Variants in ESYT3 observed in about 807,000 individuals in gnomAD.
ESYT3 encodes extended synaptotagmin-3.
ESYT3 carries 101 observed loss-of-function variants against 111.5 expected under a neutral mutation model. The ratio of observed to expected loss-of-function variants is 0.91; its 90% CI spans 0.77 to 1.07. ESYT3 has a LOEUF of 1.07. Among genes scored for constraint, ESYT3 ranks in the 50% least tolerant of loss-of-function variants. ESYT3 has a pLI of 0.00. For missense variants in ESYT3, 1,097 were observed against 1,109.4 expected (o/e 0.99, Z 0.16); for synonymous variants, 416 against 446.8 (o/e 0.93, Z 0.87).
At chr3:138,470,367 C>A (rs1019368192) in intron 16 of ESYT3, 150 of 1,252,224 alleles carry the variant, frequency 1.2e-4, no homozygotes, top group Admixed American at 5.2e-4. Context: ...CCTCAAGTCC[C>A]TTGACTTTCC....
chr3:138,474,079 A>G (rs984401804), intron 19 of ESYT3, 142 bp from the exon 20 acceptor site: 3 of 1,083,642 alleles, frequency 2.8e-6, no homozygotes, highest in Non-Finnish European at 4.0e-6. Flanking sequence ...CCTTAAGCGT[A>G]TCTAATGCTG....
intron 3 of ESYT3, among the ~76,000 whole-genome samples, chr3:138,455,942 T>C (rs1286709764): frequency 6.6e-6 from 1 of 152,216 alleles, no homozygotes; most frequent in Admixed American, 6.5e-5. Context: ...CCCTAGTGAC[T>C]TGAATCTTTT....
intron 10 of ESYT3, 37 bp downstream of exon 10, chr3:138,465,458 C>A: frequency 6.6e-7 from 1 of 1,517,972 alleles, no homozygotes; most frequent in Non-Finnish European, 9.0e-7. Flanking sequence ...CTGGAGGCAG[C>A]CTTCCCTCCC....
At chr3:138,454,088 G>A (rs988314624) in intron 2 of ESYT3, among the ~76,000 whole-genome samples, 7 of 152,138 alleles carry the variant, frequency 4.6e-5, no homozygotes, top group Admixed American at 6.5e-5. Context: ...GGACCCTATC[G>A]CTACAAAAAC....
chr3:138,468,164 A>AT lies in ESYT3; in HGVS notation c.1280dup (p.Leu427PhefsTer4). ...TGCACCTGCGGCTGGAGTGGCTTTC[A>AT]TTGCTTACTGACCAAGAAGTTCTGA... On this transcript the variant is annotated frameshift_variant, in exon 12 of 23. Coordinates refer to ENST00000389567, the MANE Select transcript of ESYT3 (RefSeq NM_031913.5). LOFTEE classifies it high-confidence loss of function. 6.2e-7 allele frequency: 1 copy of AT among 1,614,156 alleles called. No individual in the cohort carries two copies. The highest frequency in any genetic ancestry group is 8.5e-7 in the Non-Finnish European group (1 of 1,180,016).
intron 16 of ESYT3, 96 bp downstream of exon 16, chr3:138,470,242 C>A (rs757665349): frequency 1.6e-5 from 24 of 1,471,270 alleles, no homozygotes; most frequent in Non-Finnish European, 1.8e-5. Flanking sequence ...GTTCTCCTGG[C>A]AGCGTTTAAA....
At chr3:138,471,668 T>C (rs894590888) in intron 17 of ESYT3, among the ~76,000 whole-genome samples, 2 of 152,242 alleles carry the variant, frequency 1.3e-5, no homozygotes, top group Non-Finnish European at 2.9e-5. Context: ...TGCAAACATA[T>C]GTTCAGTGTT....
intron 4 of ESYT3, 85 bp downstream of exon 4, chr3:138,457,729 A>AC: frequency 1.5e-6 from 2 of 1,303,298 alleles, no homozygotes; most frequent in Non-Finnish European, 2.2e-6. Flanking sequence ...TAGTATATAT[A>AC]TACTCTGACT....
chr3:138,443,279 G>C (rs530818876), intron 1 of ESYT3, among the ~76,000 whole-genome samples: 4 of 152,334 alleles, frequency 2.6e-5, no homozygotes, highest in Admixed American at 2.6e-4. Flanking sequence ...TTCCCTCAAA[G>C]TACTTGAGCT....
At chr3:138,468,225 A>G in intron 12 of ESYT3, 31 bp downstream of exon 12, 7 of 1,602,534 alleles carry the variant, frequency 4.4e-6, no homozygotes, top group Non-Finnish European at 6.0e-6. Context: ...GCTCCCTTGC[A>G]GAAAGGTGGA....
chr3:138,443,757 A>T (rs182285438), intron 1 of ESYT3, among the ~76,000 whole-genome samples: 2 of 58,238 alleles, frequency 3.4e-5, no homozygotes, highest in Admixed American at 1.7e-4. Context: ...TGTGTGTGTG[A>T]CATGGCTGCT....
At chr3:138,474,189 T>C in intron 19 of ESYT3, 32 bp from the exon 20 acceptor site, 1 of 1,593,236 alleles carries the variant, frequency 6.3e-7, no homozygotes, top group Non-Finnish European at 8.5e-7. Context: ...GGCCCTTTTT[T>C]TTTTTTCCTA....
At chr3:138,464,262 T>G in intron 8 of ESYT3, 83 bp from the exon 9 acceptor site, 2 of 1,492,172 alleles carry the variant, frequency 1.3e-6, no homozygotes, top group Non-Finnish European at 1.8e-6. Context: ...GCAGCAGTGA[T>G]CTCTGATGGT....
At chr3:138,472,927 G>C in intron 18 of ESYT3, 68 bp downstream of exon 18, 1 of 1,541,440 alleles carries the variant, frequency 6.5e-7, no homozygotes, top group South Asian at 1.3e-5. Context: ...GGATGGAAAA[G>C]TAGATATGAA....
In ESYT3 at chr3:138,462,788, G is replaced by A. The variant is rs533425214; in HGVS notation, c.915+582G>A. ...AGCAATCCTCCTACCTCAGCTTTCC[G>A]AGTAGCTGGGACTACAGGCGTGCAC... On this transcript the variant is annotated intron_variant, in intron 8 of 22. Transcript: ENST00000389567. Among the ~76,000 whole-genome samples, 12 of 152,134 alleles carry A rather than the reference G, an allele frequency of 7.9e-5. No individual in the cohort carries two copies. The South Asian group carries it at 1.2e-3, about 16-fold the overall frequency.
chr3:138,460,174 A>C (rs138591151), intron 6 of ESYT3, 140 bp downstream of exon 6: 390 of 687,088 alleles, frequency 5.7e-4, no homozygotes, highest in East Asian at 1.0e-3. Context: ...TCCTTATCTC[A>C]TTTAATCCTT....
chr3:138,471,025 G>A lies in ESYT3; in HGVS notation c.1739G>A (p.Arg580Gln), dbSNP rs776962169. ...CTCATCTCCATGAGGCTGGTGCTTC[G>A]GGTAAATCTCTCCGGTCCCCTGGGG... ...DSLISMRLVL[R>Q]FLQVEERELG... Residue 580 changes from arginine (R) to glutamine (Q), a missense_variant and splice_region_variant, in exon 17 of 23, where the codon CGG becomes CAG. Arg to Gln is a conservative substitution (Grantham distance 43). Coordinates refer to ENST00000389567, the MANE Select transcript of ESYT3 (RefSeq NM_031913.5). 5.0e-6 allele frequency: 8 copies of A among 1,612,758 alleles called. No homozygotes were observed. Among genetic ancestry groups the A allele is most frequent in the East Asian group, 4.5e-5 (2 of 44,870 alleles).
intron 3 of ESYT3, among the ~76,000 whole-genome samples, chr3:138,457,320 A>G (rs562191752): frequency 1.3e-5 from 2 of 152,258 alleles, no homozygotes; most frequent in African/African-American, 4.8e-5. Context: ...TGGGGCATGA[A>G]CAACAGGCCT....
At position 138,435,666 on chromosome 3, in the gene ESYT3, C is replaced by G. The variant is rs1576410940; in HGVS notation, c.327+541C>G. On this transcript the variant is annotated intron_variant, in intron 1 of 22. Transcript: ENST00000389567. The surrounding 1 kb of genome is among the most constrained non-coding windows in gnomAD (Gnocchi z 4.8). ...CGGCTGGGAGACCGACGGCGCCGGGCCCCGGGCCTCCTTCCCTCCCTCCCT... is the reference window on the plus strand; with the variant it reads ...CGGCTGGGAGACCGACGGCGCCGGGGCCCGGGCCTCCTTCCCTCCCTCCCT... Among the ~76,000 whole-genome samples the G allele has an allele frequency of 6.7e-6, 1 of 149,578 alleles. No individual in the cohort carries two copies. The highest frequency in any genetic ancestry group is 2.5e-5 in the African/African-American group (1 of 40,602).
Sources: gnomAD v4.1 joint callset for allele counts (sites outside exome capture counted in the v4.1 genomes callset) on GRCh38, gnomAD v4.1.1 for gene constraint, Gnocchi (gnomAD v3.1) non-coding constraint, MANE v1.5 for transcripts, NCBI Gene and HGNC (gene_info 2026-07-23, HGNC 2026-07-21) for gene names.